The following NCOA2 variants were observed in gnomAD, a reference collection of about 807,000 sequenced individuals.
NCOA2 encodes the protein class E basic helix-loop-helix protein 75.
In NCOA2, 21 loss-of-function variants were observed where a neutral mutation model predicts 145.1. The observed-to-expected ratio is 0.14, with a 90% CI of 0.10 to 0.21. The LOEUF is 0.21. Ranked by LOEUF, NCOA2 falls within the 10% of genes least tolerant of loss-of-function variation. The pLI, the probability that NCOA2 is intolerant of heterozygous loss-of-function variation, is 1.00. For missense variants in NCOA2, 1,472 were observed against 1,837.6 expected, an observed-to-expected ratio of 0.80 and a Z score of 3.64; for synonymous variants, 619 against 637.5, an observed-to-expected ratio of 0.97 and a Z score of 0.44.
chr8:70,434,845 T>C, the NCOA2 span, among the ~76,000 whole-genome samples: 1 of 152,150 alleles, frequency 6.6e-6, no homozygotes, highest in African/African-American at 2.4e-5. Flanking sequence ...TGCAATTTCA[T>C]CCACTCCCAT....
At chr8:70,299,798 C>G (rs1333774481) in intron 1 of NCOA2, among the ~76,000 whole-genome samples, 3 of 152,188 alleles carry the variant, frequency 2.0e-5, no homozygotes, top group African/African-American at 7.2e-5. Flanking sequence ...TTTCATTTCT[C>G]TTGGGGAAGA....
intron 2 of NCOA2, among the ~76,000 whole-genome samples, chr8:70,281,678 T>C (rs1297876667): frequency 2.0e-5 from 3 of 152,200 alleles, no homozygotes; most frequent in African/African-American, 7.2e-5. Flanking sequence ...CATAGCCTTC[T>C]CTTCCACATA....
chr8:70,182,243 G>A (rs1382268668), intron 4 of NCOA2, among the ~76,000 whole-genome samples: 1 of 152,178 alleles, frequency 6.6e-6, no homozygotes, highest in Admixed American at 6.5e-5. Context: ...GCCGCAAGTT[G>A]CCTCCCTCTT....
intron 1 of NCOA2, among the ~76,000 whole-genome samples, chr8:70,393,364 T>C (rs1813373183): frequency 6.6e-6 from 1 of 152,226 alleles, no homozygotes; most frequent in South Asian, 2.1e-4. Context: ...TCTCTATACA[T>C]GAGCTCCTGG....
the NCOA2 span, among the ~76,000 whole-genome samples, chr8:70,421,289 G>T: frequency 1.3e-5 from 2 of 152,086 alleles, no homozygotes; most frequent in South Asian, 4.2e-4. Flanking sequence ...GGTGGCTCAC[G>T]CCTGTAATCC....
At chr8:70,428,415 A>G in the NCOA2 span, among the ~76,000 whole-genome samples, 1 of 132,476 alleles carries the variant, frequency 7.5e-6, no homozygotes, top group African/African-American at 2.5e-5. Context: ...AGCTATAATC[A>G]TGCCACTTCA....
chr8:70,448,858 G>A, the NCOA2 span, among the ~76,000 whole-genome samples: 4 of 150,792 alleles, frequency 2.7e-5, no homozygotes, highest in South Asian at 4.2e-4. Context: ...AGGCTGGAAT[G>A]CAGTGGTGCA....
chr8:70,266,378 T>C (rs1824592367), intron 2 of NCOA2, among the ~76,000 whole-genome samples: 1 of 152,220 alleles, frequency 6.6e-6, no homozygotes, highest in Non-Finnish European at 1.5e-5. Context: ...TGTCACTTGT[T>C]AGCTCCTGGA....
At chr8:70,422,153 A>G in the NCOA2 span, among the ~76,000 whole-genome samples, 2 of 151,978 alleles carry the variant, frequency 1.3e-5, no homozygotes, top group Non-Finnish European at 2.9e-5. Flanking sequence ...AAAAGATGCT[A>G]TGTGTCCTTA....
intron 1 of NCOA2, among the ~76,000 whole-genome samples, chr8:70,373,376 C>G (rs1171273348): frequency 6.6e-6 from 1 of 152,134 alleles, no homozygotes; most frequent in Non-Finnish European, 1.5e-5. Context: ...TTTTGTGAAG[C>G]ATCTGTCCAA....
At chr8:70,165,449 T>C (rs781535135) in intron 7 of NCOA2, among the ~76,000 whole-genome samples, 82 of 152,230 alleles carry the variant, frequency 5.4e-4, no homozygotes, top group Non-Finnish European at 2.1e-4. Flanking sequence ...TGGGAGCAGC[T>C]GAATTAGGAG....
At chr8:70,370,487 G>C (rs1449883284) in intron 1 of NCOA2, among the ~76,000 whole-genome samples, 2 of 152,096 alleles carry the variant, frequency 1.3e-5, no homozygotes, top group South Asian at 2.1e-4. Context: ...AGGAAAATCA[G>C]CACACTGGGT....
intron 4 of NCOA2, among the ~76,000 whole-genome samples, chr8:70,209,290 C>T (rs182280604): frequency 6.6e-4 from 100 of 152,250 alleles, no homozygotes; most frequent in African/African-American, 2.3e-3. Context: ...TTGCTTTTTG[C>T]GGATAAACAA....
intron 1 of NCOA2, among the ~76,000 whole-genome samples, chr8:70,299,043 G>A (rs1457327388): frequency 6.6e-6 from 1 of 152,122 alleles, no homozygotes; most frequent in African/African-American, 2.4e-5. Context: ...CTGGGCGACA[G>A]AGGGAGACTC....
intron 2 of NCOA2, among the ~76,000 whole-genome samples, chr8:70,252,145 T>C (rs1003202050): frequency 4.6e-5 from 7 of 152,234 alleles, no homozygotes; most frequent in African/African-American, 7.2e-5. Flanking sequence ...AATTCAAAGA[T>C]GTGAAACCTG....
Position 70,162,843 on chromosome 8 carries a change from A to T in NCOA2, c.844T>A (p.Ser282Thr). ...TRQDLQGKIT[S>T]LDTSTMRAAM... is the part of the protein sequence containing the mutation. Reference sequence around the variant, plus strand: ...GCTCTCATGGTGCTGGTATCCAGAGACGTGATCTTGCCTATTAAGTAACAG... The same window carrying T: ...GCTCTCATGGTGCTGGTATCCAGAGTCGTGATCTTGCCTATTAAGTAACAG... The change falls in exon 9 of 23, where the codon TCT (serine) becomes ACT (threonine). Residue 282 changes from serine (S) to threonine (T), a missense_variant. By Grantham distance (58) the Ser-to-Thr change is moderately conservative. Coordinates refer to ENST00000452400, the MANE Select transcript of NCOA2 (RefSeq NM_006540.4). The T allele has an allele frequency of 6.2e-7, 1 of 1,612,522 alleles. No homozygotes were observed. The highest frequency in any genetic ancestry group is 8.5e-7 in the Non-Finnish European group (1 of 1,179,520).
intron 19 of NCOA2, chr8:70,126,472 C>T: frequency 3.8e-6 from 1 of 264,470 alleles, no homozygotes; most frequent in South Asian, 1.2e-4. Flanking sequence ...AATATATAAA[C>T]ATATATGAAC....
At position 70,366,913 on chromosome 8, in the gene NCOA2, C is replaced by T. The variant is rs377636513; in HGVS notation, c.-77+36787G>A. Among the ~76,000 whole-genome samples the T allele has an allele frequency of 3.9e-5, 6 of 152,224 alleles. No homozygotes were observed. The South Asian group carries it at 6.2e-4, about 16-fold the overall frequency. ...GACCTCGTAGCTCTGAAATAAAACA[C>T]GCCTTTTACCCCTAGATGTGCTAAA... is the stretch of plus-strand genomic sequence containing the variant. On this transcript the variant is annotated intron_variant, in intron 1 of 22. Coordinates refer to ENST00000452400, the MANE Select transcript of NCOA2 (RefSeq NM_006540.4).
At chr8:70,352,165 CTG>C (rs2130840591) in intron 1 of NCOA2, among the ~76,000 whole-genome samples, 1 of 152,150 alleles carries the variant, frequency 6.6e-6, no homozygotes, top group South Asian at 2.1e-4. Context: ...TTTTAATTAA[CTG>C]TTTATTAAGC....
Sources: allele counts gnomAD v4.1 joint callset (sites outside exome capture counted in the v4.1 genomes callset), GRCh38; gene constraint gnomAD v4.1.1; transcripts MANE v1.5; gene names NCBI Gene and HGNC (gene_info 2026-07-23, HGNC 2026-07-21).